The following GSE1 variants were observed in gnomAD, a reference collection of about 807,000 sequenced individuals.
The protein encoded by GSE1 is genetic suppressor element 1.
In GSE1, 32 loss-of-function variants were observed where a neutral mutation model predicts 112.6. The ratio of observed to expected loss-of-function variants is 0.28; its 90% CI spans 0.21 to 0.38. The LOEUF is 0.38. Among genes scored for constraint, GSE1 ranks in the 10% least tolerant of loss-of-function variants. The probability of loss-of-function intolerance (pLI) is 1.00; values close to 1 mark genes in which losing one functional copy is unlikely to be tolerated. For missense variants in GSE1, 2,348 were observed against 1,699.2 expected (o/e 1.38, Z -6.71); for synonymous variants, 1,115 against 735.6 (o/e 1.52, Z -8.35).
At chr16:85,343,665 G>A (rs62048503) in intron 1 of GSE1, among the ~76,000 whole-genome samples, 3,304 of 152,252 alleles carry the variant, frequency 0.022, 61 homozygotes, top group Non-Finnish European at 0.031. Flanking sequence ...TGGGAGGATC[G>A]CTTGAGCCCA....
chr16:85,279,891 C>T (rs571585534), intron 1 of GSE1, among the ~76,000 whole-genome samples: 8 of 152,320 alleles, frequency 5.3e-5, no homozygotes, highest in Admixed American at 2.0e-4. Context: ...AGAGCAAACT[C>T]CGGCGGCGTC....
chr16:85,183,897 T>A (rs1183162365), intron 1 of GSE1, among the ~76,000 whole-genome samples: 1 of 152,174 alleles, frequency 6.6e-6, no homozygotes, highest in Non-Finnish European at 1.5e-5. Flanking sequence ...TCTAGAACTT[T>A]CTTCACAGAG....
chr16:85,534,412 A>G lies in GSE1; in HGVS notation c.2465-99502A>G, dbSNP rs140080903. Among the ~76,000 whole-genome samples the G allele has an allele frequency of 7.7e-4, 117 of 152,224 alleles. 2 individuals carry two copies. The East Asian group carries it at 0.021, about 28-fold the overall frequency. On this transcript the variant is annotated intron_variant, in intron 2 of 2. Coordinates refer to the GSE1 transcript ENST00000637419. ...GCTGGGATTACAGGACTGAGCCACC[A>G]CGCCCGGCCAATTTCTTTTTTTAAA... is the stretch of plus-strand genomic sequence containing the variant.
At chr16:85,625,749 G>A (rs1355521931) in intron 1 of GSE1, among the ~76,000 whole-genome samples, 2 of 152,208 alleles carry the variant, frequency 1.3e-5, no homozygotes, top group East Asian at 3.9e-4. Flanking sequence ...AGAATATGGG[G>A]TTCAGGGTGG....
chr16:85,646,349 A>C (rs1202990028), intron 2 of GSE1, among the ~76,000 whole-genome samples: 1 of 152,258 alleles, frequency 6.6e-6, no homozygotes, highest in Non-Finnish European at 1.5e-5. Context: ...ACCTCCTCAG[A>C]TGGCAGCATC....
chr16:85,456,881 C>T (rs917837287), intron 2 of GSE1, among the ~76,000 whole-genome samples: 4 of 152,224 alleles, frequency 2.6e-5, no homozygotes, highest in African/African-American at 4.8e-5. Flanking sequence ...GAGACACCGG[C>T]AGGCTGTGTT....
At chr16:85,573,073 A>C (rs530442694) in intron 1 of GSE1, among the ~76,000 whole-genome samples, 1 of 152,316 alleles carries the variant, frequency 6.6e-6, no homozygotes, top group South Asian at 2.1e-4. Flanking sequence ...CATATTTGCC[A>C]GGCTGGTCTT....
In GSE1 at chr16:85,381,382, G is replaced by C. The variant is rs534235649; in HGVS notation, c.2464+23739G>C. Among the ~76,000 whole-genome samples, 4 of 152,316 alleles carry C rather than the reference G, an allele frequency of 2.6e-5. No individual in the cohort carries two copies. In the East Asian group the frequency reaches 7.7e-4, roughly 29 times the overall value. On this transcript the variant is annotated intron_variant, in intron 2 of 2. Coordinates refer to the GSE1 transcript ENST00000637419. ...TTGGTGACACTTGGGCTGTCCCCAG[G>C]TTTGGGCTATGGTGAAGAATGCTGC...
chr16:85,341,144 C>T (rs2046615741), intron 1 of GSE1, among the ~76,000 whole-genome samples: 1 of 152,178 alleles, frequency 6.6e-6, no homozygotes, highest in Non-Finnish European at 1.5e-5. Context: ...CAATTCATCA[C>T]TGCATGCAAG....
chr16:85,315,430 T>C lies in GSE1; in HGVS notation c.2284-42033T>C, dbSNP rs918350296. On this transcript the variant is annotated intron_variant, in intron 1 of 2. Coordinates refer to the GSE1 transcript ENST00000637419. The stretch of plus-strand genomic sequence containing the variant: ...TGGTGATCCTGCAGAGCCCTGGGGG[T>C]CAGGACTGGGGATTGGCCCTGAGAG... Among the ~76,000 whole-genome samples the C allele has an allele frequency of 4.6e-5, 7 of 151,926 alleles. 1 individual carries two copies. The South Asian group carries it at 1.5e-3, about 32-fold the overall frequency.
At chr16:85,558,793 T>C (rs1041615272) in intron 1 of GSE1, among the ~76,000 whole-genome samples, 133 of 152,216 alleles carry the variant, frequency 8.7e-4, no homozygotes, top group African/African-American at 3.0e-3. Context: ...GGAAGAACTA[T>C]GGTCAGGGAG....
At chr16:85,243,201 T>A (rs1460228554) in intron 1 of GSE1, among the ~76,000 whole-genome samples, 1 of 152,232 alleles carries the variant, frequency 6.6e-6, no homozygotes, top group Non-Finnish European at 1.5e-5. Context: ...ACCACACACT[T>A]TGGCACTTAA....
intron 1 of GSE1, among the ~76,000 whole-genome samples, chr16:85,206,807 C>T (rs1236532821): frequency 1.3e-5 from 2 of 152,058 alleles, no homozygotes; most frequent in African/African-American, 2.4e-5. Flanking sequence ...GATGGAGGTG[C>T]TGGCCCCCCG....
intron 2 of GSE1, among the ~76,000 whole-genome samples, chr16:85,402,646 G>T (rs1012243128): frequency 3.9e-5 from 6 of 152,216 alleles, no homozygotes; most frequent in Non-Finnish European, 8.8e-5. Flanking sequence ...CCAAGGCCAG[G>T]CATGGTGGCT....
At chr16:85,427,327 A>G (rs1192877740) in intron 2 of GSE1, among the ~76,000 whole-genome samples, 2 of 152,216 alleles carry the variant, frequency 1.3e-5, no homozygotes, top group Non-Finnish European at 2.9e-5. Flanking sequence ...AAAAAAGAAG[A>G]AAGAGTGAAA....
chr16:85,314,102 T>C lies in GSE1; in HGVS notation c.2284-43361T>C, dbSNP rs548167757. ...CATTTGTATGTGTGTGTGACACAGC[T>C]CTGTGTGTGTGTGTGTGACACAGCC... On this transcript the variant is annotated intron_variant, in intron 1 of 2. Coordinates refer to the GSE1 transcript ENST00000637419. Among the ~76,000 whole-genome samples the C allele has an allele frequency of 2.0e-5, 3 of 152,132 alleles. No homozygotes were observed. In the South Asian group the frequency reaches 6.2e-4, roughly 32 times the overall value.
intron 2 of GSE1, among the ~76,000 whole-genome samples, chr16:85,386,243 G>T (rs2047686334): frequency 6.6e-6 from 1 of 152,214 alleles, no homozygotes; most frequent in Non-Finnish European, 1.5e-5. Context: ...GCCGTGGCAG[G>T]TGCCTGGCCC....
At chr16:85,193,819 A>G (rs942623058) in intron 1 of GSE1, among the ~76,000 whole-genome samples, 1 of 152,196 alleles carries the variant, frequency 6.6e-6, no homozygotes, top group Non-Finnish European at 1.5e-5. Context: ...GTGAGAAATA[A>G]TGAAGAGCCA....
intron 1 of GSE1, among the ~76,000 whole-genome samples, chr16:85,245,774 G>A (rs2143967364): frequency 6.6e-6 from 1 of 152,230 alleles, no homozygotes; most frequent in Middle Eastern, 3.4e-3. Context: ...CCTGGGGGGT[G>A]CCTTGTCCAG....
Sources: gnomAD v4.1 joint callset for allele counts (sites outside exome capture counted in the v4.1 genomes callset) on GRCh38, gnomAD v4.1.1 for gene constraint, MANE v1.5 for transcripts, NCBI Gene and HGNC (gene_info 2026-07-23, HGNC 2026-07-21) for gene names.